The following P3H2 variants were observed in gnomAD, a reference collection of about 807,000 sequenced individuals.
The protein encoded by P3H2 is prolyl 3-hydroxylase 2.
A neutral mutation model predicts 87.0 loss-of-function variants in P3H2; 80 were observed. The ratio of observed to expected loss-of-function variants is 0.92; its 90% CI spans 0.77 to 1.11. P3H2 has a LOEUF of 1.11. Ranked by LOEUF, P3H2 falls within the 50% of genes least tolerant of loss-of-function variation. The probability of loss-of-function intolerance (pLI) is 0.00; values close to 1 mark genes in which losing one functional copy is unlikely to be tolerated. For synonymous variants in P3H2, 367 were observed against 359.3 expected (o/e 1.02, Z -0.24); for missense variants, 1,001 against 923.9 (o/e 1.08, Z -1.08).
At position 189,998,292 on chromosome 3, in the gene P3H2, A is replaced by T. The variant is rs150205754; in HGVS notation, c.481-2850T>A. Among the ~76,000 whole-genome samples, 986 of 152,332 alleles carry T rather than the reference A, an allele frequency of 6.5e-3. 15 individuals are homozygous for T. The highest frequency in any genetic ancestry group is 0.023 in the African/African-American group (938 of 41,580). On this transcript the variant is annotated intron_variant, in intron 1 of 14. Coordinates refer to ENST00000319332, the MANE Select transcript of P3H2 (RefSeq NM_018192.4). ...TAGTACTGACATACTCTGATTCTAC[A>T]GCACTAGACGTTAAAGTTAATGGAA...
chr3:190,120,385 C>A lies in P3H2; in HGVS notation c.347G>T (p.Arg116Leu). Residue 116 changes from arginine (R) to leucine (L), a missense_variant, in exon 1 of 15, where the codon CGG becomes CTG. By Grantham distance (102) the Arg-to-Leu change is moderately radical. Coordinates refer to ENST00000319332, the MANE Select transcript of P3H2 (RefSeq NM_018192.4). ...CTCACAGCTGCGATAACAGCGCGCC[C>A]GCCCCAACAAGGAGCGGAAAAGGGG... ...ELPLFRSLLG[R>L]ARCYRSCETQ... The A allele has an allele frequency of 6.5e-7, 1 of 1,548,618 alleles. No individual in the cohort carries two copies. Among genetic ancestry groups the A allele is most frequent in the Non-Finnish European group, 8.7e-7 (1 of 1,153,136 alleles).
intron 1 of P3H2, among the ~76,000 whole-genome samples, chr3:190,062,184 C>T (rs920140361): frequency 3.9e-5 from 6 of 152,122 alleles, no homozygotes; most frequent in African/African-American, 1.4e-4. Context: ...ATCCATCCTT[C>T]AAAATTAAGC....
intron 14 of P3H2, among the ~76,000 whole-genome samples, chr3:189,960,862 T>C (rs1722790789): frequency 6.6e-6 from 1 of 152,018 alleles, no homozygotes; most frequent in Non-Finnish European, 1.5e-5. Context: ...GGACTAGATA[T>C]ACTAAATAAC....
chr3:190,010,950 T>C (rs1259873199), intron 1 of P3H2, among the ~76,000 whole-genome samples: 2 of 152,076 alleles, frequency 1.3e-5, no homozygotes, highest in African/African-American at 4.8e-5. Flanking sequence ...TCTACAAAGG[T>C]ATCAAAAAGT....
At chr3:190,102,961 C>T (rs1203947185) in intron 1 of P3H2, among the ~76,000 whole-genome samples, 1 of 152,216 alleles carries the variant, frequency 6.6e-6, no homozygotes, top group Non-Finnish European at 1.5e-5. Context: ...AGCAAAAAGA[C>T]TGTATCTTGC....
chr3:190,073,383 C>T (rs761630916), intron 1 of P3H2, among the ~76,000 whole-genome samples: 5 of 152,166 alleles, frequency 3.3e-5, no homozygotes, highest in Non-Finnish European at 7.3e-5. Context: ...ATTCCATTGC[C>T]ACGCAGCCCT....
chr3:189,960,760 A>T (rs1722786936), intron 14 of P3H2, among the ~76,000 whole-genome samples: 2 of 152,260 alleles, frequency 1.3e-5, no homozygotes, highest in African/African-American at 4.8e-5. Context: ...GCGCACAGTA[A>T]GTTAAATAAA....
chr3:189,987,708 G>C (rs1723751123), intron 4 of P3H2, 39 bp from the exon 5 acceptor site: 1 of 1,613,560 alleles, frequency 6.2e-7, no homozygotes, highest in Non-Finnish European at 8.5e-7. Context: ...AGTCAGCCTA[G>C]GTCTGTCCAA....
At position 189,971,997 on chromosome 3, in the gene P3H2, A is replaced by G; in HGVS notation, c.1710T>C (p.Asp570=). 1 of 1,608,418 alleles carries G rather than the reference A, an allele frequency of 6.2e-7. No individual in the cohort carries two copies. The highest frequency in any genetic ancestry group is 8.5e-7 in the Non-Finnish European group (1 of 1,174,788). Residue 570 remains aspartate, a synonymous_variant, in exon 12 of 15, where the codon GAT becomes GAC. Transcript: ENST00000319332. The part of the protein sequence containing the change: ...VCRTALSGQQ[D]RRNDLSHPIH... The stretch of plus-strand genomic sequence containing the variant: ...TGGGATGACTGAGGTCATTTCTTCT[A>G]TCCTGCTGACCTGCCAGAAAAGGGA...
intron 13 of P3H2, among the ~76,000 whole-genome samples, chr3:189,964,548 G>A (rs2108903321): frequency 6.6e-6 from 1 of 152,382 alleles, no homozygotes; most frequent in Non-Finnish European, 1.5e-5. Context: ...GATCTAGGTA[G>A]TGGTTACATG....
chr3:190,120,710 G>A lies in P3H2; in HGVS notation c.22C>T (p.Pro8Ser), dbSNP rs768562190. The stretch of plus-strand genomic sequence containing the variant: ...AGCGGCAGCAGCAGCAGCAGCGGCG[G>A]CGCCCAGATGCGCTCCCGCATCCTC... MRERIWA[P>S]PLLLLLPLLL... The change falls in exon 1 of 15, where the codon CCG (proline) becomes TCG (serine). Residue 8 changes from proline to serine, a missense_variant. Transcript: ENST00000319332. The A allele has an allele frequency of 2.5e-5, 38 of 1,519,766 alleles. No individual in the cohort carries two copies. The East Asian group carries it at 8.4e-4, about 34-fold the overall frequency. The allele number at this position is 1,519,766 out of a possible 1,614,324, so 94.1% of individuals were successfully genotyped here. A position where few individuals can be genotyped will look rare whatever the true frequency, so the allele number is the denominator to read the frequency against.
At position 189,960,874 on chromosome 3, in the gene P3H2, G is replaced by A. The variant is rs576453041; in HGVS notation, c.2035-2870C>T. 4.0e-3 allele frequency among the ~76,000 whole-genome samples: 601 copies of A among 151,144 alleles called. 5 individuals are homozygous for A. The highest frequency in any genetic ancestry group is 0.021 in the Middle Eastern group (6 of 292). ...AAAGGACTAGATATACTAAATAACA[G>A]AAAATTAAGTTGCTGCCACATCTAA... is the stretch of plus-strand genomic sequence containing the variant. On this transcript the variant is annotated intron_variant, in intron 14 of 14. Coordinates refer to ENST00000319332, the MANE Select transcript of P3H2 (RefSeq NM_018192.4).
At chr3:190,100,532 A>G (rs1711587797) in intron 1 of P3H2, among the ~76,000 whole-genome samples, 2 of 152,286 alleles carry the variant, frequency 1.3e-5, no homozygotes, top group South Asian at 4.1e-4. Context: ...TTCCAAGATT[A>G]CATATTACAA....
chr3:189,971,163 A>C (rs1182993010), intron 12 of P3H2, among the ~76,000 whole-genome samples: 1 of 152,182 alleles, frequency 6.6e-6, no homozygotes, highest in Non-Finnish European at 1.5e-5. Flanking sequence ...AGAAAACCTA[A>C]CTAGTTTTAA....
chr3:189,969,586 G>C, intron 13 of P3H2: 1 of 1,265,924 alleles, frequency 7.9e-7, no homozygotes, highest in Non-Finnish European at 1.2e-6. Context: ...CACAAGCTGT[G>C]GTCCCTATGA....
intron 1 of P3H2, among the ~76,000 whole-genome samples, chr3:190,073,287 T>C (rs955577307): frequency 2.6e-5 from 4 of 152,234 alleles, no homozygotes; most frequent in Admixed American, 2.6e-4. Context: ...ACAGCAAAGC[T>C]GGCAGGAAAC....
At position 190,114,214 on chromosome 3, in the gene P3H2, T is replaced by C. The variant is rs376895022; in HGVS notation, c.480+6038A>G. 9.3e-4 allele frequency among the ~76,000 whole-genome samples: 139 copies of C among 148,742 alleles called. 1 individual carries two copies. Among genetic ancestry groups the C allele is most frequent in the Non-Finnish European group, 1.7e-3 (111 of 67,224 alleles). ...ATTTTTTTTTTTTGAGGCGGAGTCT[T>C]GCTCTGTCGCCCAGGCTGGAGTGCG... On this transcript the variant is annotated intron_variant, in intron 1 of 14. Transcript: ENST00000319332.
intron 1 of P3H2, among the ~76,000 whole-genome samples, chr3:190,112,006 C>A (rs838688): frequency 7.7e-4 from 117 of 152,044 alleles, no homozygotes; most frequent in African/African-American, 2.8e-3. Context: ...ATGGGGAGTG[C>A]GATAAAAATA....
At chr3:189,998,087 AAAT>A (rs1329165553) in intron 1 of P3H2, among the ~76,000 whole-genome samples, 33 of 152,210 alleles carry the variant, frequency 2.2e-4, no homozygotes, top group Non-Finnish European at 3.8e-4. Context: ...AGAAAAAGAT[AAAT>A]AATAGCATAC....
Sources: gnomAD v4.1 joint callset for allele counts (sites outside exome capture counted in the v4.1 genomes callset) on GRCh38, gnomAD v4.1.1 for gene constraint, MANE v1.5 for transcripts, NCBI Gene and HGNC (gene_info 2026-07-23, HGNC 2026-07-21) for gene names.